GCNT1: variants seen among roughly 807,000 people sequenced by gnomAD.
GCNT1 encodes glucosaminyl (N-acetyl) transferase 1.
In GCNT1, 16 loss-of-function variants were observed where a neutral mutation model predicts 26.2. The ratio of observed to expected loss-of-function variants is 0.61; its 90% CI spans 0.41 to 0.93. The LOEUF (loss-of-function observed/expected upper bound fraction) is 0.93. Among genes scored for constraint, GCNT1 ranks in the 40% least tolerant of loss-of-function variants. The probability of loss-of-function intolerance (pLI) is 0.00; values close to 1 mark genes in which losing one functional copy is unlikely to be tolerated. For missense variants in GCNT1, 477 were observed against 526.7 expected (o/e 0.91, Z 0.92); for synonymous variants, 183 against 190.8 (o/e 0.96, Z 0.34).
chr9:76,499,037 G>T (rs761958529), intron 2 of GCNT1, among the ~76,000 whole-genome samples: 2 of 123,786 alleles, frequency 1.6e-5, no homozygotes, highest in Non-Finnish European at 3.2e-5. Flanking sequence ...GTAGGGTAAG[G>T]CTGCTAGTGA....
At chr9:76,485,209 G>A (rs112186627) in intron 2 of GCNT1, among the ~76,000 whole-genome samples, 7 of 152,170 alleles carry the variant, frequency 4.6e-5, no homozygotes, top group African/African-American at 7.2e-5. Flanking sequence ...GTCTCACTCC[G>A]TCACCCAGGC....
At chr9:76,400,612 AAGCCCT>A in the GCNT1 span, among the ~76,000 whole-genome samples, 1 of 152,228 alleles carries the variant, frequency 6.6e-6, no homozygotes, top group Non-Finnish European at 1.5e-5. Context: ...CTCTACCCAG[AAGCCCT>A]AGGGAACTTT....
At chr9:76,469,944 C>T (rs773322403) in intron 2 of GCNT1, among the ~76,000 whole-genome samples, 138 of 152,234 alleles carry the variant, frequency 9.1e-4, no homozygotes, top group Non-Finnish European at 1.2e-3. Context: ...TTGGAAGTGG[C>T]CTGCCACCAT....
At chr9:76,419,672 G>T (rs1587402045), upstream of GCNT1, among the ~76,000 whole-genome samples, 1 of 147,116 alleles carries the variant, frequency 6.8e-6, no homozygotes, top group East Asian at 1.9e-4. Flanking sequence ...AAATAAAAAA[G>T]AAAGAGAAAG....
At chr9:76,484,393 A>G (rs1824509972) in intron 2 of GCNT1, among the ~76,000 whole-genome samples, 1 of 151,980 alleles carries the variant, frequency 6.6e-6, no homozygotes, top group African/African-American at 2.4e-5. Context: ...AGAGAGAGAA[A>G]GCAAAAAACT....
At chr9:76,421,686 GTTGTTTTTTT>G (rs1295655695) in intron 1 of GCNT1, among the ~76,000 whole-genome samples, 5 of 84,376 alleles carry the variant, frequency 5.9e-5, no homozygotes, top group African/African-American at 1.5e-4. Flanking sequence ...TTGTTTGTAG[GTTGTTTTTTT>G]TTTTTTTTTT....
chr9:76,397,576 T>C, the GCNT1 span, among the ~76,000 whole-genome samples: 2 of 152,028 alleles, frequency 1.3e-5, no homozygotes, highest in Non-Finnish European at 2.9e-5. Context: ...CCCGAGTAGC[T>C]GGGACTACAG....
At chr9:76,399,816 G>A in the GCNT1 span, among the ~76,000 whole-genome samples, 8 of 152,024 alleles carry the variant, frequency 5.3e-5, no homozygotes, top group Non-Finnish European at 7.4e-5. Flanking sequence ...TTGCCAAAAC[G>A]TGGAAGCAAC....
chr9:76,467,963 G>C (rs978146386), intron 2 of GCNT1, among the ~76,000 whole-genome samples: 2 of 120,488 alleles, frequency 1.7e-5, no homozygotes, highest in Non-Finnish European at 3.2e-5. Context: ...CTGGAGTACA[G>C]TGGCACAATC....
the GCNT1 span, chr9:76,394,542 A>ATCATGGCCCCGCCCCATCATG: frequency 6.0e-6 from 1 of 166,672 alleles, no homozygotes; most frequent in Non-Finnish European, 1.3e-5. Context: ...CGGCTTCCGT[A>ATCATGGCCCCGCCCCATCATG]GCCCCGCCCC....
intron 2 of GCNT1, among the ~76,000 whole-genome samples, chr9:76,460,601 G>A (rs113715062): frequency 1.3e-5 from 2 of 152,222 alleles, no homozygotes; most frequent in African/African-American, 4.8e-5. Flanking sequence ...TTCAGTTCTA[G>A]CAGGGAGGAA....
intron 2 of GCNT1, among the ~76,000 whole-genome samples, chr9:76,487,879 T>G (rs561057592): frequency 4.6e-5 from 7 of 152,094 alleles, no homozygotes; most frequent in Non-Finnish European, 1.0e-4. Context: ...GGACTACAGG[T>G]GCACACCACC....
rs1825202084 is a variant in GCNT1, at chr9:76,505,061, C to T, written c.*1393C>T. On this transcript the variant is annotated 3_prime_UTR_variant, in exon 4 of 4. Coordinates refer to ENST00000376730, the MANE Select transcript of GCNT1 (RefSeq NM_001490.5). The stretch of plus-strand genomic sequence containing the variant: ...TTAAAAAGAAATTCTCGTACTTTTG[C>T]CATGTTGATACTGTTCAGCAAACAA... 4.9e-6 allele frequency: 2 copies of T among 412,232 alleles called. No homozygotes were observed. The highest frequency in any genetic ancestry group is 8.8e-5 in the Admixed American group (2 of 22,700). The allele number at this position is 412,232 out of a possible 1,614,324, so 25.5% of individuals were successfully genotyped here. A position where few individuals can be genotyped will look rare whatever the true frequency, so the allele number is the denominator to read the frequency against.
chr9:76,474,020 A>G (rs1587435075), intron 2 of GCNT1, among the ~76,000 whole-genome samples: 1 of 152,276 alleles, frequency 6.6e-6, no homozygotes, highest in Middle Eastern at 3.4e-3. Context: ...GATCGCTTTG[A>G]ACCTGGGAAG....
At position 76,491,183 on chromosome 9, in the gene GCNT1, TTC is replaced by T. The variant is rs112154101; in HGVS notation, c.-289-9725_-289-9724del. On this transcript the variant is annotated intron_variant, in intron 2 of 3. Coordinates refer to ENST00000376730, the MANE Select transcript of GCNT1 (RefSeq NM_001490.5). The stretch of plus-strand genomic sequence containing the variant: ...CCTCTCTCTCTTTGACTTTGTCTCT[TTC>T]TCTCTCTGACTCCCTCTTTGTCTCT... 2.1e-3 allele frequency among the ~76,000 whole-genome samples: 316 copies of T among 152,030 alleles called. 1 individual carries two copies. Among genetic ancestry groups the T allele is most frequent in the Non-Finnish European group, 4.0e-3 (274 of 67,984 alleles).
At chr9:76,396,318 G>A in the GCNT1 span, among the ~76,000 whole-genome samples, 3 of 152,230 alleles carry the variant, frequency 2.0e-5, no homozygotes, top group Non-Finnish European at 4.4e-5. Flanking sequence ...GGCGGGGCAT[G>A]GTGGCTTACG....
At chr9:76,398,797 G>A in the GCNT1 span, 2 of 1,318,078 alleles carry the variant, frequency 1.5e-6, no homozygotes, top group Non-Finnish European at 2.2e-6. Context: ...TTGACTTCCA[G>A]ATGGAACAGT....
the GCNT1 span, among the ~76,000 whole-genome samples, chr9:76,398,374 T>C: frequency 1.6e-4 from 24 of 152,336 alleles, no homozygotes; most frequent in East Asian, 4.4e-3. Flanking sequence ...GAGATACTAC[T>C]ATATACCAAT....
At chr9:76,436,478 A>G (rs2018807) in intron 1 of GCNT1, among the ~76,000 whole-genome samples, 150,787 of 151,700 alleles carry the variant, frequency 0.99, 74,938 homozygotes, top group East Asian at 1. Flanking sequence ...TGTAATCCCA[A>G]GTACTCCAGA....
Sources: allele counts gnomAD v4.1 joint callset (sites outside exome capture counted in the v4.1 genomes callset), GRCh38; gene constraint gnomAD v4.1.1; transcripts MANE v1.5; gene names NCBI Gene and HGNC (gene_info 2026-07-23, HGNC 2026-07-21).